The following EYA2 variants were observed in gnomAD, a reference collection of about 807,000 sequenced individuals.
EYA2 encodes protein phosphatase EYA2.
In EYA2, 31 loss-of-function variants were observed where a neutral mutation model predicts 69.2. The observed-to-expected ratio is 0.45, with a 90% CI of 0.34 to 0.60. EYA2 has a LOEUF of 0.60. EYA2 is among the 20% of genes least tolerant of loss of function. The pLI is 0.02. For synonymous variants in EYA2, 257 were observed against 279.4 expected (o/e 0.92, Z 0.80); for missense variants, 622 against 701.2 (o/e 0.89, Z 1.28).
At chr20:47,081,778 C>CAA (rs199527518) in intron 7 of EYA2, among the ~76,000 whole-genome samples, 2 of 110,158 alleles carry the variant, frequency 1.8e-5, no homozygotes, top group Non-Finnish European at 3.8e-5. Context: ...GACCTTGTCT[C>CAA]AAAAAAAAAA....
intron 1 of EYA2, among the ~76,000 whole-genome samples, chr20:46,930,516 G>A (rs1600553932): frequency 6.6e-6 from 1 of 152,096 alleles, no homozygotes; most frequent in East Asian, 1.9e-4. Flanking sequence ...AGACTTCTGT[G>A]GGGCTTCAGG....
chr20:47,085,117 A>G lies in EYA2; in HGVS notation c.662-4122A>G, dbSNP rs985768475. On this transcript the variant is annotated intron_variant, in intron 7 of 15. Transcript: ENST00000327619. ...CTCCCAAAGTGCTAGGATTACAGGC[A>G]TGAGCCACCATGCCCAGCCTCATCC... is the stretch of plus-strand genomic sequence containing the variant. Among the ~76,000 whole-genome samples the G allele has an allele frequency of 6.6e-5, 10 of 152,088 alleles. No individual in the cohort carries two copies. In the South Asian group the frequency reaches 2.1e-3, roughly 32 times the overall value.
intron 9 of EYA2, among the ~76,000 whole-genome samples, chr20:47,133,919 AC>A (rs2146582286): frequency 1.3e-5 from 2 of 152,338 alleles, no homozygotes; most frequent in Middle Eastern, 6.8e-3. Context: ...ATAGACATTC[AC>A]CATAAACTAC....
intron 14 of EYA2, 68 bp downstream of exon 14, chr20:47,181,004 A>T: frequency 1.3e-6 from 2 of 1,571,594 alleles, no homozygotes; most frequent in East Asian, 2.2e-5. Context: ...CATCCTGGGA[A>T]TGGGGTGTTT....
chr20:46,900,270 G>C (rs989278831), intron 1 of EYA2, among the ~76,000 whole-genome samples: 1 of 152,116 alleles, frequency 6.6e-6, no homozygotes, highest in Non-Finnish European at 1.5e-5. Context: ...GGAACTGGAG[G>C]GTTTGACTAC....
At chr20:47,102,211 C>T (rs2032442177) in intron 9 of EYA2, among the ~76,000 whole-genome samples, 1 of 152,170 alleles carries the variant, frequency 6.6e-6, no homozygotes, top group Non-Finnish European at 1.5e-5. Flanking sequence ...AACTTCTAGG[C>T]GTTAATGCCA....
intron 5 of EYA2, among the ~76,000 whole-genome samples, chr20:47,049,242 A>G (rs1010904928): frequency 1.3e-5 from 2 of 152,254 alleles, no homozygotes; most frequent in Non-Finnish European, 2.9e-5. Flanking sequence ...AACCTCTTAC[A>G]TAACCATCGG....
At chr20:47,049,850 T>A (rs1056954323) in intron 5 of EYA2, among the ~76,000 whole-genome samples, 7 of 149,546 alleles carry the variant, frequency 4.7e-5, no homozygotes, top group Non-Finnish European at 1.0e-4. Flanking sequence ...TAGGCTCCCA[T>A]CTGTGACAGA....
chr20:47,054,353 A>G (rs2030495817), intron 5 of EYA2, among the ~76,000 whole-genome samples: 1 of 152,232 alleles, frequency 6.6e-6, no homozygotes, highest in South Asian at 2.1e-4. Context: ...CGTCTCATTC[A>G]TCGCAGTTTC....
chr20:47,123,231 A>G lies in EYA2; in HGVS notation c.889-19828A>G, dbSNP rs1198569254. On this transcript the variant is annotated intron_variant, in intron 9 of 15. Transcript: ENST00000327619. ...TACATGGTGATGTTTCGATGCATAT[A>G]AAGTATAATGATCAGATCAGGGTAA... Among the ~76,000 whole-genome samples, 3 of 152,190 alleles carry G rather than the reference A, an allele frequency of 2.0e-5. No individual in the cohort carries two copies. The East Asian group carries it at 5.8e-4, about 29-fold the overall frequency.
In EYA2 at chr20:47,012,971, G is replaced by A. The variant is rs965256779; in HGVS notation, c.299-3210G>A. ...AGTCTGGACAACAGACTTAGGGGAC[G>A]AAGGCCCTCGTGCGCCTTTGCCATT... On this transcript the variant is annotated intron_variant, in intron 4 of 15. Transcript: ENST00000327619. Among the ~76,000 whole-genome samples, 3 of 152,220 alleles carry A rather than the reference G, an allele frequency of 2.0e-5. No homozygotes were observed. In the East Asian group the frequency reaches 5.8e-4, roughly 29 times the overall value.
At chr20:47,172,684 T>C in intron 11 of EYA2, 23 bp from the exon 12 acceptor site, 1 of 1,591,910 alleles carries the variant, frequency 6.3e-7, no homozygotes, top group Non-Finnish European at 8.6e-7. Flanking sequence ...ACTAACACTG[T>C]CCCTCCCCTC....
At chr20:46,972,099 A>G (rs1317180996) in intron 1 of EYA2, among the ~76,000 whole-genome samples, 1 of 152,222 alleles carries the variant, frequency 6.6e-6, no homozygotes, top group Non-Finnish European at 1.5e-5. Flanking sequence ...CAAGAAAGGA[A>G]TCTCTGAGGA....
intron 9 of EYA2, among the ~76,000 whole-genome samples, chr20:47,134,555 T>G (rs2033414243): frequency 6.7e-6 from 1 of 148,300 alleles, no homozygotes; most frequent in Admixed American, 6.6e-5. Flanking sequence ...GAAATACATT[T>G]TACACTATAA....
At chr20:46,923,339 T>C (rs909987877) in intron 1 of EYA2, among the ~76,000 whole-genome samples, 4 of 152,208 alleles carry the variant, frequency 2.6e-5, no homozygotes, top group African/African-American at 9.6e-5. Flanking sequence ...CACTCCAGCC[T>C]GGGTGACAGA....
chr20:47,080,104 T>C (rs1233320742), intron 7 of EYA2, among the ~76,000 whole-genome samples: 4 of 152,188 alleles, frequency 2.6e-5, no homozygotes, highest in Non-Finnish European at 5.9e-5. Context: ...AAAACAAGTT[T>C]CAGTACCTTT....
At chr20:47,147,974 A>G (rs2033737443) in intron 10 of EYA2, among the ~76,000 whole-genome samples, 1 of 149,190 alleles carries the variant, frequency 6.7e-6, no homozygotes, top group Non-Finnish European at 1.5e-5. Context: ...CAGGAGAATC[A>G]CTGGAACCCA....
At chr20:47,100,986 AC>A (rs1486534877) in intron 9 of EYA2, among the ~76,000 whole-genome samples, 1 of 152,172 alleles carries the variant, frequency 6.6e-6, no homozygotes, top group East Asian at 1.9e-4. Flanking sequence ...ATCATAGCTT[AC>A]CCCCATGTCT....
intron 12 of EYA2, among the ~76,000 whole-genome samples, chr20:47,173,263 G>T (rs984329340): frequency 1.3e-5 from 2 of 151,940 alleles, no homozygotes; most frequent in Admixed American, 6.6e-5. Context: ...GAAACTCTGC[G>T]CTGGGGCCCA....
Sources: allele counts gnomAD v4.1 joint callset (sites outside exome capture counted in the v4.1 genomes callset), GRCh38; gene constraint gnomAD v4.1.1; transcripts MANE v1.5; gene names NCBI Gene and HGNC (gene_info 2026-07-23, HGNC 2026-07-21).